Variants in DOCK4 observed in about 807,000 individuals in gnomAD.
DOCK4 encodes the protein dedicator of cytokinesis protein 4.
Under a neutral mutation model 268.1 loss-of-function variants are expected in DOCK4, and 97 were observed. The ratio of observed to expected loss-of-function variants is 0.36; its 90% confidence interval spans 0.31 to 0.43. DOCK4 has a LOEUF of 0.43. Ranked by LOEUF, DOCK4 falls within the 20% of genes least tolerant of loss-of-function variation. The probability of loss-of-function intolerance (pLI) is 1.00; values close to 1 mark genes in which losing one functional copy is unlikely to be tolerated. For missense variants in DOCK4, 2,145 were observed against 2,455.7 expected (o/e 0.87, Z 2.67); for synonymous variants, 954 against 887.2 (o/e 1.08, Z -1.34).
intron 15 of DOCK4, among the ~76,000 whole-genome samples, chr7:111,897,328 T>A (rs1301894606): frequency 3.3e-5 from 5 of 152,164 alleles, no homozygotes; most frequent in Non-Finnish European, 5.9e-5. Context: ...TGGGTTCTCT[T>A]CTTCCTGCAT....
intron 12 of DOCK4, among the ~76,000 whole-genome samples, chr7:111,916,412 A>T (rs1792590971): frequency 6.6e-6 from 1 of 152,198 alleles, no homozygotes; most frequent in Non-Finnish European, 1.5e-5. Context: ...CTTGAAACAT[A>T]AGTAACAAAG....
intron 1 of DOCK4, among the ~76,000 whole-genome samples, chr7:112,102,188 T>G (rs1810763007): frequency 6.6e-6 from 1 of 152,228 alleles, no homozygotes; most frequent in Non-Finnish European, 1.5e-5. Flanking sequence ...TGGATCTATC[T>G]GTCTCCCACT....
At chr7:112,146,848 G>C (rs1458144502) in intron 1 of DOCK4, among the ~76,000 whole-genome samples, 1 of 152,106 alleles carries the variant, frequency 6.6e-6, no homozygotes, top group Non-Finnish European at 1.5e-5. Flanking sequence ...TAATAATTTA[G>C]ACGAGTGTAA....
chr7:111,874,573 G>A (rs1235395577), intron 17 of DOCK4, among the ~76,000 whole-genome samples: 1 of 152,186 alleles, frequency 6.6e-6, no homozygotes, highest in African/African-American at 2.4e-5. Flanking sequence ...CAAAATTGCT[G>A]TATCCTAGCT....
intron 4 of DOCK4, among the ~76,000 whole-genome samples, chr7:111,996,229 C>T (rs1799942504): frequency 6.6e-6 from 1 of 152,180 alleles, no homozygotes. Flanking sequence ...CAAGAAAGAA[C>T]ATACACGCAA....
rs1170437472 is a variant in DOCK4, at chr7:111,984,384, C to T, written c.471G>A (p.Leu157=). 6.2e-7 allele frequency: 1 copy of T among 1,612,330 alleles called. No individual in the cohort carries two copies. The highest frequency in any genetic ancestry group is 1.3e-5 in the African/African-American group (1 of 74,842). Residue 157 remains leucine (L), a synonymous_variant, in exon 7 of 53, where the codon CTG becomes CTA. Coordinates refer to ENST00000428084, the MANE Select transcript of DOCK4 (RefSeq NM_001363540.2). The part of the protein sequence containing the change: ...TARLDWGNEQ[L]GLDLVPRKEY... Reference sequence around the variant, plus strand: ...CTTTCCTAGGCACCAGGTCCAGTCCCAGTTGTCTAGAAAACAAATTGCAAA... The same window carrying T: ...CTTTCCTAGGCACCAGGTCCAGTCCTAGTTGTCTAGAAAACAAATTGCAAA...
rs562643843 is a variant in DOCK4 at position 112,008,623 on chromosome 7, A to G, written c.38-4492T>C. 3.9e-5 allele frequency among the ~76,000 whole-genome samples: 6 copies of G among 152,368 alleles called. No individual in the cohort carries two copies. The South Asian group carries it at 1.2e-3, about 32-fold the overall frequency. The stretch of plus-strand genomic sequence containing the variant: ...CATGCCAAGAACCAATGGACATTTT[A>G]AAACTTTTAAACTGAATACAAAGAA... On this transcript the variant is annotated intron_variant, in intron 1 of 52. Transcript: ENST00000428084.
chr7:112,023,120 C>T (rs1031960748), intron 1 of DOCK4, among the ~76,000 whole-genome samples: 12 of 152,040 alleles, frequency 7.9e-5, no homozygotes, highest in East Asian at 1.9e-4. Flanking sequence ...TAGACAATGG[C>T]GTTTCACCAT....
chr7:112,190,109 T>C (rs1163143480), intron 1 of DOCK4, among the ~76,000 whole-genome samples: 2 of 152,174 alleles, frequency 1.3e-5, no homozygotes, highest in Non-Finnish European at 2.9e-5. Flanking sequence ...ACCTTGTATA[T>C]AAATGTAACA....
chr7:111,962,963 G>T (rs894008310), intron 8 of DOCK4, among the ~76,000 whole-genome samples: 2 of 152,166 alleles, frequency 1.3e-5, no homozygotes, highest in African/African-American at 4.8e-5. Context: ...CAGCTCACAT[G>T]CATGAGCAGC....
At chr7:112,184,822 G>A (rs967646108) in intron 1 of DOCK4, among the ~76,000 whole-genome samples, 3 of 152,114 alleles carry the variant, frequency 2.0e-5, no homozygotes, top group Non-Finnish European at 2.9e-5. Context: ...GGTGTTGAGA[G>A]AAGAGATTAT....
chr7:111,833,199 G>C (rs2134019331), intron 26 of DOCK4, among the ~76,000 whole-genome samples: 2 of 152,258 alleles, frequency 1.3e-5, no homozygotes, highest in South Asian at 4.1e-4. Flanking sequence ...TTTGTACTCA[G>C]AGTGGGTAAG....
chr7:111,825,377 A>G (rs915075107), intron 26 of DOCK4, among the ~76,000 whole-genome samples: 2 of 151,918 alleles, frequency 1.3e-5, no homozygotes, highest in Non-Finnish European at 2.9e-5. Context: ...ATTCTTTAAC[A>G]TTTCCCTCCC....
At position 111,822,553 on chromosome 7, in the gene DOCK4, T is replaced by C. The variant is rs1802075136; in HGVS notation, c.2836-97A>G. 4 of 1,057,804 alleles carry C rather than the reference T, an allele frequency of 3.8e-6. No individual in the cohort carries two copies. In the Admixed American group the frequency reaches 8.7e-5, roughly 23 times the overall value. 65.5% of individuals were successfully genotyped at this position (1,057,804 alleles called of 1,614,324 possible). A position where few individuals can be genotyped will look rare whatever the true frequency, so the allele number is the denominator to read the frequency against. ...GCAGTACTGTTGTACTGTTACCATT[T>C]CCAAAGCAATTATAGAGAAGGGAGC... On this transcript the variant is annotated intron_variant, in intron 26 of 52. Transcript: ENST00000428084.
At chr7:111,826,650 C>T (rs772839457) in intron 26 of DOCK4, among the ~76,000 whole-genome samples, 6 of 151,982 alleles carry the variant, frequency 3.9e-5, no homozygotes, top group Non-Finnish European at 5.9e-5. Context: ...CCAAATACTG[C>T]GTTCTCACTT....
intron 1 of DOCK4, among the ~76,000 whole-genome samples, chr7:112,205,878 G>A (rs1300599346): frequency 6.6e-6 from 1 of 152,166 alleles, no homozygotes; most frequent in Non-Finnish European, 1.5e-5. Context: ...CTGTCCCGGC[G>A]CTTCGGGAAC....
intron 1 of DOCK4, among the ~76,000 whole-genome samples, chr7:112,059,134 CTTTTT>C (rs572050793): frequency 2.0e-5 from 2 of 98,978 alleles, no homozygotes; most frequent in African/African-American, 1.0e-4. Context: ...GCAGCATTTC[CTTTTT>C]TTTTTTTTTT....
At chr7:112,116,777 T>C (rs1257097641) in intron 1 of DOCK4, among the ~76,000 whole-genome samples, 3 of 152,238 alleles carry the variant, frequency 2.0e-5, no homozygotes, top group Non-Finnish European at 4.4e-5. Flanking sequence ...CTTTTCTCTT[T>C]TTTGTAGAGT....
intron 1 of DOCK4, among the ~76,000 whole-genome samples, chr7:112,156,482 C>G (rs1372524004): frequency 1.3e-5 from 2 of 152,222 alleles, no homozygotes; most frequent in East Asian, 3.9e-4. Flanking sequence ...AATCAGTGAG[C>G]CAGAAAGCTA....
Sources: gnomAD v4.1 joint callset for allele counts (sites outside exome capture counted in the v4.1 genomes callset) on GRCh38, gnomAD v4.1.1 for gene constraint, MANE v1.5 for transcripts, NCBI Gene and HGNC (gene_info 2026-07-23, HGNC 2026-07-21) for gene names.